Variants in DNAH5 observed in about 807,000 individuals in gnomAD.
DNAH5 encodes dynein axonemal heavy chain 5.
DNAH5 carries 372 observed loss-of-function variants against 518.2 expected under a neutral mutation model. That is an observed-to-expected ratio of 0.72 (90% CI 0.66 to 0.78). The LOEUF (loss-of-function observed/expected upper bound fraction) is 0.78. Among genes scored for constraint, DNAH5 ranks in the 30% least tolerant of loss-of-function variants. DNAH5 has a pLI of 0.00. For synonymous variants in DNAH5, 2,039 were observed against 2,025.9 expected, an observed-to-expected ratio of 1.01 and a Z score of -0.17; for missense variants, 5,523 against 5,687.0, an observed-to-expected ratio of 0.97 and a Z score of 0.93.
chr5:13,919,730 G>A (rs1298527618), intron 6 of DNAH5, among the ~76,000 whole-genome samples: 3 of 152,078 alleles, frequency 2.0e-5, no homozygotes, highest in Non-Finnish European at 4.4e-5. Flanking sequence ...CAGAGTATTT[G>A]GGGTATCATC....
chr5:13,901,322 C>T lies in DNAH5; in HGVS notation c.1982G>A (p.Arg661His), dbSNP rs185855852. The change falls in exon 14 of 79, where the codon CGC becomes CAC. Residue 661 changes from arginine (R) to histidine (H), a missense_variant. Transcript: ENST00000265104. ...LSTAEAKPII[R>H]SYNRMAKVLL... is the part of the protein sequence containing the mutation. ...GACCTTGGCCATCCTGTTGTAACTG[C>T]GAATTATAGGTTTGGCTTCTGCCGT... The T allele has an allele frequency of 1.3e-4, 205 of 1,614,106 alleles. 2 individuals carry two copies. In the South Asian group the frequency reaches 1.6e-3, roughly 13 times the overall value.
rs35104396 is a variant in DNAH5 at position 13,865,382 on chromosome 5, A to C, written c.4355+286T>G. ...TGTTCCAGATGATAATCTGACATTA[A>C]CTTCAAATGTTTCATAAGTGTAATA... On this transcript the variant is annotated intron_variant, in intron 27 of 78. Transcript: ENST00000265104. Among the ~76,000 whole-genome samples, 63,091 of 151,930 alleles carry C rather than the reference A, an allele frequency of 0.42. 13,291 individuals are homozygous for C. Among genetic ancestry groups the C allele is most frequent in the South Asian group, 0.47 (2,240 of 4,814 alleles).
intron 71 of DNAH5, among the ~76,000 whole-genome samples, chr5:13,720,535 A>G (rs981886903): frequency 6.6e-6 from 1 of 152,112 alleles, no homozygotes; most frequent in African/African-American, 2.4e-5. Flanking sequence ...GGCACAGGCC[A>G]CCACGTCCAG....
At chr5:13,971,138 T>A (rs1026581374) in intron 1 of DNAH5, among the ~76,000 whole-genome samples, 1 of 152,310 alleles carries the variant, frequency 6.6e-6, no homozygotes. Context: ...GAAGCTGTGA[T>A]TGTTTCCTAT....
chr5:13,746,220 T>C (rs998063470), intron 65 of DNAH5, among the ~76,000 whole-genome samples: 2 of 152,122 alleles, frequency 1.3e-5, no homozygotes, highest in Non-Finnish European at 2.9e-5. Context: ...GGAGAAGCTC[T>C]TACTAGGACA....
rs192344629 is a variant in DNAH5 at position 13,814,482 on chromosome 5, C to T, written c.7230+123G>A. 275 of 950,030 alleles carry T rather than the reference C, an allele frequency of 2.9e-4. 2 individuals are homozygous for T. The African/African-American group carries it at 3.6e-3, about 13-fold the overall frequency. The allele number at this position is 950,030 out of a possible 1,614,324, so 58.9% of individuals were successfully genotyped here. ...TGTCCCAGTGCATTCAAGTATCTTC[C>T]ACAAACATTAGCATAAAAATGCAGT... On this transcript the variant is annotated intron_variant, in intron 43 of 78. Coordinates refer to ENST00000265104, the MANE Select transcript of DNAH5 (RefSeq NM_001369.3).
chr5:13,858,361 T>C (rs187382620), intron 30 of DNAH5, among the ~76,000 whole-genome samples: 2 of 152,100 alleles, frequency 1.3e-5, no homozygotes, highest in African/African-American at 2.4e-5. Flanking sequence ...AAGTGGGAGT[T>C]GAACAATGAG....
At chr5:13,886,736 T>C (rs1772496050) in intron 17 of DNAH5, among the ~76,000 whole-genome samples, 1 of 152,136 alleles carries the variant, frequency 6.6e-6, no homozygotes, top group African/African-American at 2.4e-5. Context: ...CCAGCTCCAT[T>C]CCAAGTTCCA....
chr5:13,719,128 G>A (rs1744707496), intron 71 of DNAH5, 27 bp from the exon 72 acceptor site: 1 of 1,573,862 alleles, frequency 6.4e-7, no homozygotes, highest in African/African-American at 1.4e-5. Flanking sequence ...ACGGAAATTA[G>A]GTAGTTTTGT....
At chr5:13,720,786 C>A (rs1429948302) in intron 71 of DNAH5, among the ~76,000 whole-genome samples, 1 of 152,066 alleles carries the variant, frequency 6.6e-6, no homozygotes, top group Non-Finnish European at 1.5e-5. Flanking sequence ...ACTGAGTAGA[C>A]CATCCACTTT....
chr5:13,844,143 G>A (rs191107217), intron 32 of DNAH5, among the ~76,000 whole-genome samples: 75 of 152,328 alleles, frequency 4.9e-4, no homozygotes, highest in African/African-American at 1.6e-3. Flanking sequence ...GTTCATGGAA[G>A]GTTAGCGTAT....
intron 76 of DNAH5, among the ~76,000 whole-genome samples, chr5:13,703,060 T>C (rs13168668): frequency 0.52 from 78,322 of 151,784 alleles, 20,456 homozygotes; most frequent in Middle Eastern, 0.55. Flanking sequence ...TCAGCATCTT[T>C]AGTGCCATGA....
chr5:13,850,565 A>G (rs926286356), intron 31 of DNAH5, 87 bp downstream of exon 31: 5 of 1,212,378 alleles, frequency 4.1e-6, no homozygotes, highest in Non-Finnish European at 6.1e-6. Context: ...TTAGCAAAAG[A>G]AAACAAATTT....
chr5:13,987,332 T>A (rs570844508), intron 1 of DNAH5, among the ~76,000 whole-genome samples: 1 of 152,142 alleles, frequency 6.6e-6, no homozygotes, highest in African/African-American at 2.4e-5. Context: ...ATAGTAGAGA[T>A]GAAAAAGTCT....
At chr5:13,706,977 G>A (rs146936067) in intron 76 of DNAH5, among the ~76,000 whole-genome samples, 12 of 152,240 alleles carry the variant, frequency 7.9e-5, no homozygotes, top group Non-Finnish European at 1.2e-4. Flanking sequence ...TCTTGTTTTC[G>A]TGCCCAAATG....
intron 21 of DNAH5, among the ~76,000 whole-genome samples, chr5:13,879,612 T>C (rs1015159185): frequency 5.3e-5 from 8 of 150,970 alleles, no homozygotes; most frequent in African/African-American, 1.5e-4. Flanking sequence ...ACAGAAAGTA[T>C]AAAAAAGCAC....
intron 53 of DNAH5, among the ~76,000 whole-genome samples, chr5:13,778,496 A>AAGGGAGGGAGGG (rs1199880080): frequency 7.1e-5 from 6 of 84,812 alleles, no homozygotes; most frequent in African/African-American, 2.5e-4. Context: ...GGAAGGAAGG[A>AAGGGAGGGAGGG]AGGGAGGGAG....
intron 21 of DNAH5, among the ~76,000 whole-genome samples, chr5:13,882,059 GA>G (rs1445239562): frequency 1.3e-5 from 2 of 151,846 alleles, no homozygotes; most frequent in African/African-American, 4.8e-5. Flanking sequence ...CAACCTAGAA[GA>G]AATGAATAAA....
intron 1 of DNAH5, among the ~76,000 whole-genome samples, chr5:13,955,658 T>C (rs1164799470): frequency 6.6e-6 from 1 of 152,138 alleles, no homozygotes; most frequent in African/African-American, 2.4e-5. Context: ...GAACTAAGGC[T>C]GAAGGCAATT....
Sources: gnomAD v4.1 joint callset for allele counts (sites outside exome capture counted in the v4.1 genomes callset) on GRCh38, gnomAD v4.1.1 for gene constraint, MANE v1.5 for transcripts, NCBI Gene and HGNC (gene_info 2026-07-23, HGNC 2026-07-21) for gene names.